RBFOX2: variants seen among roughly 807,000 people sequenced by gnomAD.
RBFOX2 encodes the protein RNA binding fox-1 homolog 2, also known as RNA binding protein fox-1 homolog 2.
RBFOX2 carries 10 observed loss-of-function variants against 49.1 expected under a neutral mutation model. That is an observed-to-expected ratio of 0.20 (90% confidence interval 0.13 to 0.35). The LOEUF (loss-of-function observed/expected upper bound fraction) is 0.35, where lower values mean the gene tolerates loss of function less well. Ranked by LOEUF, RBFOX2 falls within the 10% of genes least tolerant of loss-of-function variation. The pLI is 1.00. For missense variants in RBFOX2, 323 were observed against 486.9 expected, an observed-to-expected ratio of 0.66 and a Z score of 3.17; for synonymous variants, 183 against 187.4, an observed-to-expected ratio of 0.98 and a Z score of 0.19.
exon 11 of RBFOX2, chr22:35,745,974 G>A (rs1336119016): frequency 1.5e-5 from 24 of 1,613,752 alleles, no homozygotes; most frequent in South Asian, 6.6e-5. Flanking sequence ...GGTAGGGGTC[G>A]GCTGTGTACA....
intron 1 of RBFOX2, among the ~76,000 whole-genome samples, chr22:35,894,580 C>T (rs183569118): frequency 1.4e-4 from 22 of 152,170 alleles, no homozygotes; most frequent in Admixed American, 1.0e-3. Context: ...GATGGTACTG[C>T]GCAGGGAGTT....
chr22:35,853,092 GAGACC>G (rs2042125061), intron 1 of RBFOX2, among the ~76,000 whole-genome samples: 1 of 152,040 alleles, frequency 6.6e-6, no homozygotes. Flanking sequence ...TCAGGAGTTT[GAGACC>G]AGCCTGGCCA....
intron 1 of RBFOX2, among the ~76,000 whole-genome samples, chr22:35,935,402 T>G (rs2052941778): frequency 6.6e-6 from 1 of 152,078 alleles, no homozygotes; most frequent in South Asian, 2.1e-4. Flanking sequence ...CCATAAAGCT[T>G]CTTAATAGAT....
At chr22:35,931,040 T>C (rs746923826) in intron 1 of RBFOX2, among the ~76,000 whole-genome samples, 5 of 152,156 alleles carry the variant, frequency 3.3e-5, no homozygotes, top group East Asian at 1.9e-4. Flanking sequence ...TAAAATGTAA[T>C]AGTAAAGCTG....
At chr22:35,766,905 G>T (rs890099304) in intron 5 of RBFOX2, among the ~76,000 whole-genome samples, 3 of 152,044 alleles carry the variant, frequency 2.0e-5, no homozygotes, top group Admixed American at 6.6e-5. Flanking sequence ...AATAGGGAAA[G>T]GGACAGGAAC....
intron 4 of RBFOX2, among the ~76,000 whole-genome samples, chr22:35,777,033 A>G (rs1004445374): frequency 6.9e-6 from 1 of 144,364 alleles, no homozygotes; most frequent in Non-Finnish European, 1.5e-5. Context: ...TTTTTTTTTG[A>G]GACAGTCTTG....
intron 1 of RBFOX2, among the ~76,000 whole-genome samples, chr22:35,853,249 G>A (rs552373450): frequency 4.4e-4 from 66 of 148,680 alleles, no homozygotes; most frequent in African/African-American, 1.3e-3. Context: ...ACCCGAGATC[G>A]TACCACTGCA....
At chr22:35,996,631 A>G (rs1023152857) in intron 1 of RBFOX2, 1 of 152,042 alleles carries the variant, frequency 6.6e-6, no homozygotes, top group African/African-American at 2.4e-5. Flanking sequence ...AAAAGAAAAA[A>G]AAAAGCTGTA....
At position 35,745,906 on chromosome 22, in the gene RBFOX2, GTATAT is replaced by G. The variant is rs1932501446; in HGVS notation, c.1049+12_1049+16del. The G allele has an allele frequency of 6.3e-7, 1 of 1,599,906 alleles. No homozygotes were observed. Among genetic ancestry groups the G allele is most frequent in the Non-Finnish European group, 8.6e-7 (1 of 1,167,308 alleles). On this transcript the variant is annotated intron_variant, in intron 11 of 11. Transcript: ENST00000405409. Reference sequence around the variant, plus strand: ...AATGAAATGGTTTTATAAAGCAATGGTATATTATATACTTACCACAGCGCCAACTC... The same window carrying G: ...AATGAAATGGTTTTATAAAGCAATGGTATATACTTACCACAGCGCCAACTC...
intron 1 of RBFOX2, among the ~76,000 whole-genome samples, chr22:35,872,869 G>A (rs1405698864): frequency 6.6e-6 from 1 of 152,178 alleles, no homozygotes; most frequent in Non-Finnish European, 1.5e-5. Context: ...ACTTGGGCAT[G>A]AAAGCTGGAG....
upstream of RBFOX2, among the ~76,000 whole-genome samples, chr22:35,943,777 C>A (rs113178217): frequency 5.6e-3 from 846 of 152,224 alleles, 12 homozygotes; most frequent in African/African-American, 0.019. Context: ...TGGTGGTGGA[C>A]ACCTGTAGTC....
intron 1 of RBFOX2, among the ~76,000 whole-genome samples, chr22:35,871,885 A>C (rs535569053): frequency 6.6e-6 from 1 of 152,344 alleles, no homozygotes; most frequent in South Asian, 2.1e-4. Flanking sequence ...CCAGCTGACT[A>C]CTGGCGAGGC....
chr22:35,905,945 C>A (rs1046333207), intron 1 of RBFOX2, among the ~76,000 whole-genome samples: 7 of 152,004 alleles, frequency 4.6e-5, no homozygotes. Flanking sequence ...CAATTGCCTA[C>A]AGTAATCAGT....
chr22:35,784,301 C>A (rs2147232330), intron 2 of RBFOX2, among the ~76,000 whole-genome samples: 1 of 152,252 alleles, frequency 6.6e-6, no homozygotes, highest in South Asian at 2.1e-4. Context: ...CTCATTAGGC[C>A]AGAGGCAGGC....
At chr22:35,914,079 G>C (rs1183819241) in intron 1 of RBFOX2, among the ~76,000 whole-genome samples, 2 of 152,164 alleles carry the variant, frequency 1.3e-5, no homozygotes, top group Non-Finnish European at 2.9e-5. Context: ...GAATATCAGA[G>C]TGAAAATGCT....
In RBFOX2 at chr22:35,889,828, A is replaced by G. The variant is rs1489854623; in HGVS notation, c.-34+49019T>C. On this transcript the variant is annotated intron_variant, in intron 1 of 13. Transcript: ENST00000359369. ...ATTAGAGTGGCAAAATAGTGATAAA[A>G]AGCACTAAATGACTAACGTGAAACC... Among the ~76,000 whole-genome samples the G allele has an allele frequency of 1.3e-5, 2 of 152,174 alleles. 1 individual carries two copies. Among genetic ancestry groups the G allele is most frequent in the African/African-American group, 4.8e-5 (2 of 41,432 alleles).
At chr22:35,951,052 C>T (rs758088596) in intron 1 of RBFOX2, among the ~76,000 whole-genome samples, 2 of 149,982 alleles carry the variant, frequency 1.3e-5, no homozygotes, top group Non-Finnish European at 3.0e-5. Flanking sequence ...CTCCCGGGTT[C>T]ATGCCATTCT....
At chr22:35,866,060 T>C (rs1321228425) in intron 1 of RBFOX2, among the ~76,000 whole-genome samples, 2 of 152,232 alleles carry the variant, frequency 1.3e-5, no homozygotes, top group African/African-American at 2.4e-5. Flanking sequence ...GATTGATAAT[T>C]ACATTTTAAT....
exon 12 of RBFOX2, chr22:35,741,475 T>G (rs899960457): frequency 6.6e-6 from 1 of 152,342 alleles, no homozygotes; most frequent in South Asian, 2.1e-4. Context: ...TCTGGTGAAG[T>G]TGACCGTACG....
Sources: gnomAD v4.1 joint callset for allele counts (sites outside exome capture counted in the v4.1 genomes callset) on GRCh38, gnomAD v4.1.1 for gene constraint, MANE v1.5 for transcripts, NCBI Gene and HGNC (gene_info 2026-07-23, HGNC 2026-07-21) for gene names.